The following KCNH8 variants were observed in gnomAD, a reference collection of about 807,000 sequenced individuals.
KCNH8 encodes the protein potassium voltage-gated channel subfamily H member 8.
KCNH8 carries 70 observed loss-of-function variants against 103.6 expected under a neutral mutation model. That is an observed-to-expected ratio of 0.68 (90% CI 0.56 to 0.82). The LOEUF (loss-of-function observed/expected upper bound fraction) is 0.82, where lower values mean the gene tolerates loss of function less well. Among genes scored for constraint, KCNH8 ranks in the 40% least tolerant of loss-of-function variants. KCNH8 has a pLI of 0.00. For missense variants in KCNH8, 1,217 were observed against 1,329.9 expected (o/e 0.92, Z 1.32); for synonymous variants, 498 against 489.4 (o/e 1.02, Z -0.23).
rs11919712 is a variant in KCNH8 at position 19,217,449 on chromosome 3, A to G, written c.77-36205A>G. On this transcript the variant is annotated intron_variant, in intron 1 of 15. Transcript: ENST00000328405. ...AGTCTCTTCCTTTTTAGCCATTTTT[A>G]TGTTTTTTATTTGTTCATCAATACT... Among the ~76,000 whole-genome samples, 1,189 of 152,200 alleles carry G rather than the reference A, an allele frequency of 7.8e-3. 16 individuals carry two copies. Among genetic ancestry groups the G allele is most frequent in the African/African-American group, 0.026 (1,093 of 41,520 alleles).
At chr3:19,351,379 A>G (rs184218800) in intron 5 of KCNH8, among the ~76,000 whole-genome samples, 3 of 152,272 alleles carry the variant, frequency 2.0e-5, no homozygotes, top group South Asian at 2.1e-4. Context: ...CAGGAAATAC[A>G]GAGAATGCCA....
intron 8 of KCNH8, among the ~76,000 whole-genome samples, chr3:19,446,676 C>T (rs915659145): frequency 7.9e-5 from 12 of 151,846 alleles, no homozygotes; most frequent in Admixed American, 7.2e-4. Flanking sequence ...GTAGAAAACA[C>T]CCCCTACTTA....
At chr3:19,220,928 G>C (rs1478103898) in intron 1 of KCNH8, among the ~76,000 whole-genome samples, 1 of 152,086 alleles carries the variant, frequency 6.6e-6, no homozygotes, top group African/African-American at 2.4e-5. Flanking sequence ...CCTAAGCTTT[G>C]GGGCCTTTTA....
At chr3:19,519,894 GA>G (rs1456725260) in intron 15 of KCNH8, among the ~76,000 whole-genome samples, 1 of 151,200 alleles carries the variant, frequency 6.6e-6, no homozygotes, top group African/African-American at 2.4e-5. Flanking sequence ...ATTCTTCTGA[GA>G]AAAAATATCT....
rs185305304 is a variant in KCNH8 at position 19,256,585 on chromosome 3, C to T, written c.310+2698C>T. On this transcript the variant is annotated intron_variant, in intron 2 of 15. Transcript: ENST00000328405. ...GCAGACTTGTCCTTCTTAAGATAGG[C>T]ACCTTGTGTAGGTCACTCCAAATCT... is the stretch of plus-strand genomic sequence containing the variant. Among the ~76,000 whole-genome samples the T allele has an allele frequency of 3.2e-4, 48 of 152,150 alleles. 1 individual carries two copies. The highest frequency in any genetic ancestry group is 6.6e-4 in the Admixed American group (10 of 15,254).
intron 8 of KCNH8, among the ~76,000 whole-genome samples, chr3:19,446,384 C>T (rs1362243205): frequency 4.6e-5 from 7 of 151,962 alleles, no homozygotes; most frequent in Non-Finnish European, 8.8e-5. Flanking sequence ...CTCGGGTCCC[C>T]CCACTGAATA....
At position 19,395,112 on chromosome 3, in the gene KCNH8, C is replaced by T. The variant is rs747011626; in HGVS notation, c.978C>T (p.Leu326=). The T allele has an allele frequency of 3.6e-5, 58 of 1,611,304 alleles. No homozygotes were observed. In the Middle Eastern group the frequency reaches 7.6e-4, roughly 21 times the overall value. The stretch of plus-strand genomic sequence containing the variant: ...TCTGTCTCTTACCACAGGTGTCTCT[C>T]GTGCATCTTCTAAAGACAGTGCGCC... ...LYAFNVTVVS[L]VHLLKTVRLL... The change falls in exon 7 of 16, where the codon CTC becomes CTT. Residue 326 remains leucine (L), a synonymous_variant. Transcript: ENST00000328405.
intron 1 of KCNH8, among the ~76,000 whole-genome samples, chr3:19,152,949 A>AG (rs902162450): frequency 3.5e-4 from 53 of 152,130 alleles, no homozygotes; most frequent in African/African-American, 1.3e-3. Context: ...AAGAAAAAAA[A>AG]AAGAAAAAAG....
intron 1 of KCNH8, among the ~76,000 whole-genome samples, chr3:19,209,944 A>G (rs1009543099): frequency 9.9e-5 from 15 of 152,044 alleles, no homozygotes; most frequent in Non-Finnish European, 2.9e-5. Flanking sequence ...GGGCGGAAAT[A>G]CTGCATAAAC....
chr3:19,266,189 C>T (rs1157912189), intron 2 of KCNH8, among the ~76,000 whole-genome samples: 1 of 152,128 alleles, frequency 6.6e-6, no homozygotes, highest in Non-Finnish European at 1.5e-5. Flanking sequence ...TAAAGCCATT[C>T]ATGAGCTAGT....
chr3:19,430,161 G>A (rs1382254868), intron 7 of KCNH8, among the ~76,000 whole-genome samples: 1 of 152,112 alleles, frequency 6.6e-6, no homozygotes, highest in African/African-American at 2.4e-5. Flanking sequence ...TAAGGAAGCG[G>A]TACCATTTCA....
At chr3:19,431,061 C>A (rs2067114350) in intron 7 of KCNH8, among the ~76,000 whole-genome samples, 1 of 152,086 alleles carries the variant, frequency 6.6e-6, no homozygotes, top group Non-Finnish European at 1.5e-5. Context: ...TTGTCTTTTG[C>A]AGTTTTCAAG....
At chr3:19,514,239 TTTA>T (rs2068835964) in intron 13 of KCNH8, among the ~76,000 whole-genome samples, 4 of 151,626 alleles carry the variant, frequency 2.6e-5, no homozygotes, top group African/African-American at 9.7e-5. Context: ...ATACTATATT[TTTA>T]TTATTTATTT....
chr3:19,175,944 A>G (rs1041544736), intron 1 of KCNH8, among the ~76,000 whole-genome samples: 1 of 152,188 alleles, frequency 6.6e-6, no homozygotes, highest in African/African-American at 2.4e-5. Flanking sequence ...ATTTTCCTCA[A>G]TTAATAAATT....
At chr3:19,508,056 T>C (rs980140168) in intron 11 of KCNH8, among the ~76,000 whole-genome samples, 5 of 152,244 alleles carry the variant, frequency 3.3e-5, no homozygotes, top group African/African-American at 7.2e-5. Flanking sequence ...TTTTGAATTT[T>C]GTATGTCAAA....
chr3:19,467,324 C>CACACAT (rs933615652), intron 11 of KCNH8, among the ~76,000 whole-genome samples: 2 of 151,784 alleles, frequency 1.3e-5, no homozygotes, highest in Non-Finnish European at 2.9e-5. Context: ...CACACACACA[C>CACACAT]ACATGTGCAC....
rs536342989 is a variant in KCNH8 at position 19,157,798 on chromosome 3, T to C, written c.76+9003T>C. On this transcript the variant is annotated intron_variant, in intron 1 of 15. Transcript: ENST00000328405. ...TTTATATTCATTGTCTCTTATTAAC[T>C]GAATTGTTGTTTTTCCCTTTTTTGA... is the stretch of plus-strand genomic sequence containing the variant. Among the ~76,000 whole-genome samples the C allele has an allele frequency of 6.0e-4, 91 of 152,096 alleles. No individual in the cohort carries two copies. In the South Asian group the frequency reaches 9.1e-3, roughly 15 times the overall value.
intron 5 of KCNH8, among the ~76,000 whole-genome samples, chr3:19,350,061 C>A (rs1033933686): frequency 1.3e-5 from 2 of 152,076 alleles, no homozygotes; most frequent in Admixed American, 1.3e-4. Context: ...CTTTCCTATT[C>A]TTTCCTGCTG....
In KCNH8 at chr3:19,390,537, G is replaced by A; in HGVS notation, c.868G>A (p.Glu290Lys). 2 of 1,612,650 alleles carry A rather than the reference G, an allele frequency of 1.2e-6. No homozygotes were observed. Among genetic ancestry groups the A allele is most frequent in the Non-Finnish European group, 1.7e-6 (2 of 1,179,356 alleles). ...CAGCAAGTCTGGCCAAGTTATCTTT[G>A]AAGCAAGATCAATTTGCATCCACTA... ...YVSKSGQVIF[E>K]ARSICIHYVT... Residue 290 changes from glutamate (E) to lysine (K), a missense_variant, in exon 6 of 16, where the codon GAA (glutamate) becomes AAA (lysine). Glu to Lys is a moderately conservative substitution (Grantham distance 56). Transcript: ENST00000328405.
Sources: gnomAD v4.1 joint callset for allele counts (sites outside exome capture counted in the v4.1 genomes callset) on GRCh38, gnomAD v4.1.1 for gene constraint, MANE v1.5 for transcripts, NCBI Gene and HGNC (gene_info 2026-07-23, HGNC 2026-07-21) for gene names.